The following TMEM131L variants were observed in gnomAD, a reference collection of about 807,000 sequenced individuals.
TMEM131L encodes transmembrane protein 131-like.
TMEM131L carries 54 observed loss-of-function variants against 192.2 expected under a neutral mutation model. That is an observed-to-expected ratio of 0.28 (90% CI 0.23 to 0.35). The LOEUF (loss-of-function observed/expected upper bound fraction) is 0.35, where lower values mean the gene tolerates loss of function less well. TMEM131L is among the 10% of genes least tolerant of loss of function. The pLI is 1.00. For synonymous variants in TMEM131L, 701 were observed against 704.9 expected (o/e 0.99, Z 0.09); for missense variants, 1,888 against 1,972.9 (o/e 0.96, Z 0.82).
At chr4:153,549,594 T>C (rs1737453904) in intron 3 of TMEM131L, among the ~76,000 whole-genome samples, 1 of 152,334 alleles carries the variant, frequency 6.6e-6, no homozygotes, top group East Asian at 1.9e-4. Context: ...TGACCTGCCA[T>C]GTGAGATTGT....
chr4:153,616,041 C>T (rs1288384843), intron 26 of TMEM131L, among the ~76,000 whole-genome samples: 4 of 152,202 alleles, frequency 2.6e-5, no homozygotes, highest in African/African-American at 4.8e-5. Flanking sequence ...GAGCTCAAGG[C>T]GGTTCTTGCT....
At position 153,602,693 on chromosome 4, in the gene TMEM131L, G is replaced by A. The variant is rs200431688; in HGVS notation, c.2605G>A (p.Glu869Lys). The change falls in exon 23 of 35, where the codon GAG (glutamate) becomes AAG (lysine). Residue 869 changes from glutamate to lysine, a missense_variant. By Grantham distance (56) the Glu-to-Lys change is moderately conservative (BLOSUM62 1). Coordinates refer to ENST00000409959, the MANE Select transcript of TMEM131L (RefSeq NM_001131007.2). ...ADVVPGPSWE[E>K]SFWRLTVFFV... is the part of the protein sequence containing the mutation. Reference sequence around the variant, plus strand: ...CGTGGTTCCAGGACCCAGCTGGGAGGAGTCATTTTGGAGGCTCACGGTCTT... The same window carrying A: ...CGTGGTTCCAGGACCCAGCTGGGAGAAGTCATTTTGGAGGCTCACGGTCTT... 452 of 1,613,944 alleles carry A rather than the reference G, an allele frequency of 2.8e-4. No homozygotes were observed. The highest frequency in any genetic ancestry group is 2.3e-4 in the Non-Finnish European group (273 of 1,179,900).
chr4:153,517,643 T>C (rs1332144694), intron 3 of TMEM131L, among the ~76,000 whole-genome samples: 1 of 152,218 alleles, frequency 6.6e-6, no homozygotes, highest in African/African-American at 2.4e-5. Flanking sequence ...CAGGAGCCTT[T>C]TGTTCAAGGA....
intron 26 of TMEM131L, among the ~76,000 whole-genome samples, chr4:153,618,550 C>T (rs2126692022): frequency 6.6e-6 from 1 of 151,504 alleles, no homozygotes; most frequent in South Asian, 2.1e-4. Flanking sequence ...AACTAAGTCT[C>T]ATTTAAATGG....
In TMEM131L at chr4:153,555,772, T is replaced by C. The variant is rs6828373; in HGVS notation, c.309-15T>C. 246,053 of 1,545,852 alleles carry C rather than the reference T, an allele frequency of 0.16. 20,782 individuals are homozygous for C. The highest frequency in any genetic ancestry group is 0.17 in the Non-Finnish European group (195,856 of 1,142,138). ...CACACAATACATTGATTTTTCTCTT[T>C]GTTTCTCCTCCTAGGTTCCTGGGAC... On this transcript the variant is annotated splice_polypyrimidine_tract_variant and intron_variant, in intron 4 of 34. Coordinates refer to ENST00000409959, the MANE Select transcript of TMEM131L (RefSeq NM_001131007.2). This position sits in a 1 kb window ranked among gnomAD's most constrained non-coding sequence, Gnocchi z 4.1.
intron 2 of TMEM131L, among the ~76,000 whole-genome samples, chr4:153,469,963 A>G (rs1731039960): frequency 6.6e-6 from 1 of 151,830 alleles, no homozygotes; most frequent in African/African-American, 2.4e-5. Context: ...CAAAAAAACC[A>G]GTAACATATT....
intron 3 of TMEM131L, among the ~76,000 whole-genome samples, chr4:153,544,080 G>C (rs942702354): frequency 6.6e-6 from 1 of 152,212 alleles, no homozygotes; most frequent in Non-Finnish European, 1.5e-5. Context: ...CATTGTTGCT[G>C]TGGCCACAAG....
At chr4:153,550,987 G>A (rs1561183757) in intron 4 of TMEM131L, among the ~76,000 whole-genome samples, 1 of 152,212 alleles carries the variant, frequency 6.6e-6, no homozygotes, top group Non-Finnish European at 1.5e-5. Context: ...AAAAATTAAG[G>A]AAGGGTGACG....
chr4:153,622,568 A>G (rs977755242), intron 28 of TMEM131L, among the ~76,000 whole-genome samples: 6 of 152,240 alleles, frequency 3.9e-5, no homozygotes, highest in African/African-American at 1.4e-4. Flanking sequence ...AAAATCACCT[A>G]TGAATCTCTG....
At chr4:153,571,816 C>T (rs377407320) in intron 7 of TMEM131L, among the ~76,000 whole-genome samples, 2 of 152,198 alleles carry the variant, frequency 1.3e-5, no homozygotes, top group African/African-American at 4.8e-5. Context: ...CTGCCTCGGT[C>T]TACCAAAGTG....
In TMEM131L at chr4:153,591,089, G is replaced by A. The variant is rs1193032855; in HGVS notation, c.1707G>A (p.Leu569=). 1.2e-6 allele frequency: 2 copies of A among 1,604,144 alleles called. No individual in the cohort carries two copies. Among genetic ancestry groups the A allele is most frequent in the Non-Finnish European group, 1.7e-6 (2 of 1,174,040 alleles). Residue 569 remains leucine (L), a synonymous_variant, in exon 17 of 35, where the codon TTG becomes TTA. Transcript: ENST00000409959. ...NVLGTTRFAH[L]KKSKESESFV... is the part of the protein sequence containing the mutation. Reference sequence around the variant, plus strand: ...TGGGAACAACTCGATTTGCTCACTTGAAGAAATCCAAGGAGTCAGAGTCCT... The same window carrying A: ...TGGGAACAACTCGATTTGCTCACTTAAAGAAATCCAAGGAGTCAGAGTCCT...
chr4:153,590,269 A>C (rs898129252), intron 16 of TMEM131L, among the ~76,000 whole-genome samples: 9 of 151,934 alleles, frequency 5.9e-5, no homozygotes, highest in Non-Finnish European at 1.5e-5. Context: ...AACATTCCAC[A>C]CTCTGGATTT....
At chr4:153,560,046 T>C (rs1728747412) in intron 7 of TMEM131L, among the ~76,000 whole-genome samples, 1 of 152,110 alleles carries the variant, frequency 6.6e-6, no homozygotes, top group Admixed American at 6.5e-5. Context: ...CCTTATTTCA[T>C]CCTTCCTTTT....
At chr4:153,578,166 G>T (rs920031526) in intron 7 of TMEM131L, among the ~76,000 whole-genome samples, 2 of 152,134 alleles carry the variant, frequency 1.3e-5, no homozygotes, top group African/African-American at 4.8e-5. Context: ...GTTGGATTTG[G>T]CCGTGTGAGG....
At chr4:153,563,618 C>T (rs186124215) in intron 7 of TMEM131L, among the ~76,000 whole-genome samples, 1 of 151,980 alleles carries the variant, frequency 6.6e-6, no homozygotes, top group African/African-American at 2.4e-5. Context: ...CAGGTGCATG[C>T]TACCACGCCC....
rs559155175 is a variant in TMEM131L, at chr4:153,515,794, C to T, written c.240-34279C>T. Among the ~76,000 whole-genome samples the T allele has an allele frequency of 3.3e-5, 5 of 152,176 alleles. No homozygotes were observed. In the South Asian group the frequency reaches 1.0e-3, roughly 32 times the overall value. ...TTTATTATAGCCCTTCTAGAGGGTG[C>T]GATGTGGTATCATTGTTTTGATTTG... On this transcript the variant is annotated intron_variant, in intron 3 of 34. Transcript: ENST00000409959.
chr4:153,531,342 C>G (rs796354965), intron 3 of TMEM131L, among the ~76,000 whole-genome samples: 16 of 152,260 alleles, frequency 1.1e-4, no homozygotes, highest in African/African-American at 3.6e-4. Context: ...GGAGCCAGTG[C>G]CCATGAGAAT....
intron 3 of TMEM131L, among the ~76,000 whole-genome samples, chr4:153,504,127 C>T (rs534120084): frequency 2.2e-4 from 34 of 151,840 alleles, no homozygotes; most frequent in South Asian, 6.2e-4. Flanking sequence ...CCACCACGCC[C>T]GGCTAATTTT....
chr4:153,583,825 G>A (rs993814296), intron 11 of TMEM131L, among the ~76,000 whole-genome samples, 153 bp downstream of exon 11: 2 of 152,226 alleles, frequency 1.3e-5, no homozygotes, highest in Non-Finnish European at 2.9e-5. Flanking sequence ...TTCTAAGATA[G>A]TATGATGTAG....
Sources: gnomAD v4.1 joint callset for allele counts (sites outside exome capture counted in the v4.1 genomes callset) on GRCh38, gnomAD v4.1.1 for gene constraint, Gnocchi (gnomAD v3.1) non-coding constraint, MANE v1.5 for transcripts, NCBI Gene and HGNC (gene_info 2026-07-23, HGNC 2026-07-21) for gene names.